The following ADAM10 variants were observed in gnomAD, a reference collection of about 807,000 sequenced individuals.
ADAM10 encodes ADAM metallopeptidase domain 10, also known as disintegrin and metalloproteinase domain-containing protein 10.
A neutral mutation model predicts 90.1 loss-of-function variants in ADAM10; 17 were observed. That is an observed-to-expected ratio of 0.19 (90% CI 0.13 to 0.28). ADAM10 has a LOEUF of 0.28. Among genes scored for constraint, ADAM10 ranks in the 10% least tolerant of loss-of-function variants. The pLI is 1.00. For synonymous variants in ADAM10, 310 were observed against 298.6 expected, an observed-to-expected ratio of 1.04 and a Z score of -0.40; for missense variants, 610 against 914.3, an observed-to-expected ratio of 0.67 and a Z score of 4.29.
chr15:58,707,097 G>A (rs1428914260), intron 2 of ADAM10, among the ~76,000 whole-genome samples: 1 of 128,892 alleles, frequency 7.8e-6, no homozygotes, highest in African/African-American at 2.9e-5. Flanking sequence ...GGGGAAAAAA[G>A]CTCAGCCAGG....
At chr15:58,710,109 C>T (rs1898428118) in intron 2 of ADAM10, among the ~76,000 whole-genome samples, 1 of 152,086 alleles carries the variant, frequency 6.6e-6, no homozygotes, top group Non-Finnish European at 1.5e-5. Flanking sequence ...GAAACCCCAT[C>T]TCTACTAAAA....
chr15:58,671,322 TCATGAACAGAATATAA>T (rs1455291856), intron 4 of ADAM10, among the ~76,000 whole-genome samples: 18 of 152,330 alleles, frequency 1.2e-4, no homozygotes, highest in African/African-American at 4.1e-4. Context: ...AATTTATAAA[TCATGAACAGAATATAA>T]CATGTCTTTA....
chr15:58,692,909 C>G, intron 2 of ADAM10: 1 of 696,082 alleles, frequency 1.4e-6, no homozygotes, highest in Non-Finnish European at 2.7e-6. Context: ...TTTATGAGAT[C>G]AGCCTTGGTC....
intron 6 of ADAM10, among the ~76,000 whole-genome samples, chr15:58,644,622 A>G (rs1370741749): frequency 6.6e-6 from 1 of 152,136 alleles, no homozygotes; most frequent in Non-Finnish European, 1.5e-5. Context: ...CATATTTCCT[A>G]TGCGTAGAGT....
At chr15:58,743,826 G>T (rs1281100185) in intron 1 of ADAM10, among the ~76,000 whole-genome samples, 9 of 152,092 alleles carry the variant, frequency 5.9e-5, no homozygotes, top group Non-Finnish European at 1.2e-4. Context: ...GGCTTGTCTC[G>T]AACTCCTGAC....
chr15:58,731,326 T>C (rs1899228610), intron 1 of ADAM10, among the ~76,000 whole-genome samples: 1 of 151,978 alleles, frequency 6.6e-6, no homozygotes, highest in Admixed American at 6.5e-5. Flanking sequence ...TGGTTTAAAG[T>C]ATATGGGAGG....
intron 14 of ADAM10, chr15:58,609,636 T>C (rs1895382013): frequency 6.5e-6 from 1 of 154,160 alleles, no homozygotes; most frequent in African/African-American, 2.4e-5. Context: ...AAATATATCA[T>C]TTGCAAGCTT....
At chr15:58,611,472 T>C (rs1895435466) in intron 12 of ADAM10, 3 of 327,492 alleles carry the variant, frequency 9.2e-6, no homozygotes, top group Middle Eastern at 9.3e-4. Flanking sequence ...CACAAAAGCT[T>C]TGAAGGTTTG....
At chr15:58,725,883 G>C (rs1899012467) in intron 1 of ADAM10, among the ~76,000 whole-genome samples, 2 of 152,144 alleles carry the variant, frequency 1.3e-5, no homozygotes, top group African/African-American at 2.4e-5. Context: ...GGGCTTCAAA[G>C]CTTACAATGC....
intron 5 of ADAM10, among the ~76,000 whole-genome samples, chr15:58,647,437 T>C (rs1896581343): frequency 6.6e-6 from 1 of 151,648 alleles, no homozygotes; most frequent in South Asian, 2.1e-4. Context: ...ATTTTGTTTC[T>C]GAATTTTTAG....
intron 1 of ADAM10, among the ~76,000 whole-genome samples, chr15:58,726,798 G>T (rs1310667168): frequency 6.6e-6 from 1 of 151,182 alleles, no homozygotes; most frequent in Non-Finnish European, 1.5e-5. Context: ...CCAAGTTTGG[G>T]GCTGCAATGC....
intron 4 of ADAM10, among the ~76,000 whole-genome samples, chr15:58,673,752 T>G (rs1485985197): frequency 6.7e-6 from 1 of 150,090 alleles, no homozygotes; most frequent in East Asian, 2.0e-4. Context: ...TTTTTTTTTC[T>G]GAGACAGAGT....
intron 2 of ADAM10, among the ~76,000 whole-genome samples, chr15:58,713,660 T>C (rs1328086646): frequency 6.6e-6 from 1 of 152,240 alleles, no homozygotes; most frequent in African/African-American, 2.4e-5. Context: ...AGATGTATTT[T>C]ACCCTAATAT....
At chr15:58,749,406 G>A in intron 1 of ADAM10, 74 bp downstream of exon 1, 5 of 1,373,886 alleles carry the variant, frequency 3.6e-6, no homozygotes, top group Non-Finnish European at 4.7e-6. Flanking sequence ...CGCGAGGCGC[G>A]ACTGGGCTCC....
intron 1 of ADAM10, among the ~76,000 whole-genome samples, chr15:58,735,069 T>A (rs1022820626): frequency 6.6e-6 from 1 of 152,206 alleles, no homozygotes; most frequent in African/African-American, 2.4e-5. Context: ...AAAGTATAGA[T>A]AGAGCATGTG....
chr15:58,644,705 C>G (rs1306529937), intron 6 of ADAM10, among the ~76,000 whole-genome samples: 5 of 152,230 alleles, frequency 3.3e-5, no homozygotes, highest in African/African-American at 1.2e-4. Flanking sequence ...TCAGGACACA[C>G]AGTCATTCCC....
intron 2 of ADAM10, among the ~76,000 whole-genome samples, chr15:58,706,822 A>G (rs893682023): frequency 1.1e-4 from 16 of 152,134 alleles, no homozygotes; most frequent in African/African-American, 3.6e-4. Context: ...CAGCCTGGCC[A>G]ACATGGGGAA....
intron 5 of ADAM10, among the ~76,000 whole-genome samples, chr15:58,647,037 A>G (rs1299673021): frequency 1.3e-5 from 2 of 152,074 alleles, no homozygotes; most frequent in African/African-American, 4.8e-5. Flanking sequence ...GAGAAGGTCA[A>G]TTCATCCATT....
intron 1 of ADAM10, among the ~76,000 whole-genome samples, chr15:58,737,809 G>C (rs1421693940): frequency 3.3e-5 from 5 of 151,920 alleles, no homozygotes; most frequent in African/African-American, 1.2e-4. Flanking sequence ...CTAAATTAAA[G>C]AATTGTGCAA....
Sources: gnomAD v4.1 joint callset for allele counts (sites outside exome capture counted in the v4.1 genomes callset) on GRCh38, gnomAD v4.1.1 for gene constraint, MANE v1.5 for transcripts, NCBI Gene and HGNC (gene_info 2026-07-23, HGNC 2026-07-21) for gene names.